Variants in TEX11 observed in about 807,000 individuals in gnomAD.
The protein encoded by TEX11 is testis expressed 11.
In TEX11, 7 loss-of-function variants were observed where a neutral mutation model predicts 84.4. The ratio of observed to expected loss-of-function variants is 0.08; its 90% CI spans 0.05 to 0.16. The LOEUF is 0.16. TEX11 is among the 10% of genes least tolerant of loss of function. The pLI is 1.00. For missense variants in TEX11, 551 were observed against 660.5 expected (o/e 0.83, Z 1.82); for synonymous variants, 264 against 222.8 (o/e 1.18, Z -1.64).
At chrX:70,757,533 T>C (rs187785312) in intron 9 of TEX11, among the ~76,000 whole-genome samples, 1 of 111,389 alleles carries the variant, frequency 9.0e-6, no homozygotes, top group Admixed American at 9.6e-5. Context: ...GCTTCATAAG[T>C]GAAGGAGAAA....
chrX:70,674,487 A>C (rs2090052250), intron 15 of TEX11, among the ~76,000 whole-genome samples: 1 of 112,019 alleles, frequency 8.9e-6, no homozygotes, highest in African/African-American at 3.2e-5. Context: ...TGCTTTCCAC[A>C]GTGGTTGAAC....
intron 11 of TEX11, 66 bp from the exon 12 acceptor site, chrX:70,725,409 A>T (rs2147723361): frequency 1.3e-6 from 1 of 780,770 alleles, no homozygotes; most frequent in South Asian, 3.0e-5. Flanking sequence ...TTTTCAAGTA[A>T]TTGCCTGCTT....
intron 7 of TEX11, among the ~76,000 whole-genome samples, chrX:70,838,160 T>C (rs1480339863): frequency 8.9e-6 from 1 of 112,130 alleles, no homozygotes; most frequent in African/African-American, 3.2e-5. Flanking sequence ...AGCTCACACC[T>C]GCAATCCCAG....
rs201688277 is a variant in TEX11 at position 70,896,456 on chromosome X, T to C, written c.37+11297A>G. Among the ~76,000 whole-genome samples, 6 of 111,706 alleles carry C rather than the reference T, an allele frequency of 5.4e-5. No homozygotes were observed. In the East Asian group the frequency reaches 1.7e-3, roughly 32 times the overall value. On this transcript the variant is annotated intron_variant, in intron 2 of 29. Transcript: ENST00000374333. The stretch of plus-strand genomic sequence containing the variant: ...TTAGTTCAACCATTGTGGAAGACAA[T>C]GTGGCAATTCCTCAAGGATCTAGAA...
At chrX:70,826,243 G>A (rs1221028326) in intron 8 of TEX11, among the ~76,000 whole-genome samples, 4 of 106,653 alleles carry the variant, frequency 3.8e-5, no homozygotes, top group Admixed American at 2.0e-4. Context: ...CCCGGGAGGC[G>A]AAGGTTGCAG....
At chrX:70,841,559 C>T (rs1417845623) in intron 7 of TEX11, among the ~76,000 whole-genome samples, 2 of 110,495 alleles carry the variant, frequency 1.8e-5, no homozygotes, top group Non-Finnish European at 3.8e-5. Flanking sequence ...CCTAACATCA[C>T]AATTAAAAGA....
intron 2 of TEX11, among the ~76,000 whole-genome samples, chrX:70,899,279 G>A (rs762617934): frequency 2.7e-5 from 3 of 111,323 alleles, no homozygotes; most frequent in Non-Finnish European, 3.8e-5. Context: ...TGCTTTAATT[G>A]TAAAATACAC....
At chrX:70,667,223 CACA>C (rs1235957891) in intron 16 of TEX11, among the ~76,000 whole-genome samples, 4 of 112,145 alleles carry the variant, frequency 3.6e-5, no homozygotes, top group African/African-American at 1.3e-4. Flanking sequence ...ATTTTCAAGG[CACA>C]ACAACAGAGT....
chrX:70,573,928 A>C (rs976629661), intron 25 of TEX11, among the ~76,000 whole-genome samples: 1 of 111,529 alleles, frequency 9.0e-6, no homozygotes, highest in African/African-American at 3.3e-5. Flanking sequence ...TAAAGTTCTC[A>C]GGAGGTTTGC....
intron 28 of TEX11, among the ~76,000 whole-genome samples, 194 bp from the exon 29 acceptor site, chrX:70,530,193 A>G (rs2087868277): frequency 9.0e-6 from 1 of 111,538 alleles, no homozygotes; most frequent in South Asian, 3.8e-4. Context: ...GTTCCATAGC[A>G]AGATCTCATG....
chrX:70,748,392 C>T (rs2090784102), intron 9 of TEX11, among the ~76,000 whole-genome samples: 1 of 111,454 alleles, frequency 9.0e-6, no homozygotes, highest in Non-Finnish European at 1.9e-5. Context: ...TAACAGCTGA[C>T]ACCCCTCAGA....
intron 9 of TEX11, among the ~76,000 whole-genome samples, chrX:70,769,089 A>C (rs1357921719): frequency 9.0e-6 from 1 of 111,689 alleles, no homozygotes; most frequent in Non-Finnish European, 1.9e-5. Context: ...AGTTAAAGGA[A>C]AATGTATAGC....
At chrX:70,637,931 T>TA (rs199624736) in intron 17 of TEX11, among the ~76,000 whole-genome samples, 69 of 87,833 alleles carry the variant, frequency 7.9e-4, no homozygotes, top group Non-Finnish European at 1.3e-3. Context: ...AAGCTGGAAA[T>TA]AAAAAAAAAA....
chrX:70,894,132 T>A (rs1475544264), intron 2 of TEX11, among the ~76,000 whole-genome samples: 1 of 109,548 alleles, frequency 9.1e-6, no homozygotes, highest in Non-Finnish European at 1.9e-5. Flanking sequence ...ACAGCTGAAT[T>A]CTACCAGAGG....
chrX:70,538,866 C>T (rs1021741098), intron 28 of TEX11, among the ~76,000 whole-genome samples: 2 of 106,120 alleles, frequency 1.9e-5, no homozygotes, highest in Non-Finnish European at 3.9e-5. Flanking sequence ...CCTTATATTT[C>T]CTTTAGATCC....
chrX:70,818,251 G>A (rs944810752), intron 8 of TEX11, among the ~76,000 whole-genome samples: 1 of 110,241 alleles, frequency 9.1e-6, no homozygotes, highest in Non-Finnish European at 1.9e-5. Flanking sequence ...GCAGTGAGCC[G>A]CTTTTGCACC....
intron 25 of TEX11, among the ~76,000 whole-genome samples, chrX:70,579,714 A>T (rs996078174): frequency 8.9e-6 from 1 of 112,105 alleles, no homozygotes; most frequent in African/African-American, 3.2e-5. Context: ...TCAAAAGAAG[A>T]CACATGAATG....
intron 7 of TEX11, among the ~76,000 whole-genome samples, chrX:70,851,700 C>CACACAG (rs1470894527): frequency 1.8e-5 from 2 of 109,442 alleles, no homozygotes; most frequent in African/African-American, 6.6e-5. Context: ...CACACACACA[C>CACACAG]AGAGTAAATG....
At chrX:70,765,323 T>C (rs1207567839) in intron 9 of TEX11, among the ~76,000 whole-genome samples, 1 of 110,855 alleles carries the variant, frequency 9.0e-6, no homozygotes, top group Non-Finnish European at 1.9e-5. Flanking sequence ...GAAGCAGAGG[T>C]TGCAGTGAAT....
Sources: allele counts gnomAD v4.1 joint callset (sites outside exome capture counted in the v4.1 genomes callset), GRCh38; gene constraint gnomAD v4.1.1; transcripts MANE v1.5; gene names NCBI Gene and HGNC (gene_info 2026-07-23, HGNC 2026-07-21).